PDE4D: variants seen among roughly 807,000 people sequenced by gnomAD.
PDE4D encodes 3',5'-cyclic-AMP phosphodiesterase 4D.
Under a neutral mutation model 87.4 loss-of-function variants are expected in PDE4D, and 24 were observed. The ratio of observed to expected loss-of-function variants is 0.27; its 90% confidence interval spans 0.20 to 0.39. The LOEUF (loss-of-function observed/expected upper bound fraction) is 0.39. Among genes scored for constraint, PDE4D ranks in the 10% least tolerant of loss-of-function variants. The probability of loss-of-function intolerance (pLI) is 1.00; values close to 1 mark genes in which losing one functional copy is unlikely to be tolerated. For synonymous variants in PDE4D, 384 were observed against 383.2 expected, an observed-to-expected ratio of 1.00 and a Z score of -0.02; for missense variants, 714 against 1,041.0, an observed-to-expected ratio of 0.69 and a Z score of 4.32.
At chr5:60,344,561 C>T (rs1410354877) in intron 1 of PDE4D, among the ~76,000 whole-genome samples, 1 of 152,166 alleles carries the variant, frequency 6.6e-6, no homozygotes, top group African/African-American at 2.4e-5. Context: ...CAAAACATTT[C>T]TCTTGCATTT....
chr5:59,420,908 A>G (rs1383930418), intron 1 of PDE4D, among the ~76,000 whole-genome samples: 1 of 152,084 alleles, frequency 6.6e-6, no homozygotes, highest in Non-Finnish European at 1.5e-5. Flanking sequence ...CAGGAGGGCG[A>G]TTTAGGAAAA....
intron 2 of PDE4D, among the ~76,000 whole-genome samples, chr5:59,998,177 T>C (rs138662734): frequency 6.6e-6 from 1 of 152,194 alleles, no homozygotes; most frequent in Non-Finnish European, 1.5e-5. Flanking sequence ...TCAATGTTCA[T>C]AGTTTTAGCC....
At chr5:59,518,946 G>T (rs570214510) in intron 1 of PDE4D, among the ~76,000 whole-genome samples, 1 of 152,150 alleles carries the variant, frequency 6.6e-6, no homozygotes, top group Admixed American at 6.5e-5. Context: ...TGTTGCCTTC[G>T]AAAGGCACTA....
At chr5:59,325,105 A>G (rs975439075) in intron 1 of PDE4D, among the ~76,000 whole-genome samples, 1 of 152,126 alleles carries the variant, frequency 6.6e-6, no homozygotes, top group Non-Finnish European at 1.5e-5. Flanking sequence ...GATCACAGAA[A>G]TCCTACTGTA....
Position 59,956,693 on chromosome 5 carries a change from T to C in PDE4D, c.272+31795A>G, listed in dbSNP as rs577091916. 1.4e-3 allele frequency among the ~76,000 whole-genome samples: 218 copies of C among 152,346 alleles called. 2 individuals are homozygous for C. The highest frequency in any genetic ancestry group is 5.1e-3 in the African/African-American group (213 of 41,580). On this transcript the variant is annotated intron_variant, in intron 3 of 16. Coordinates refer to the PDE4D transcript ENST00000502484. ...TTTATAAAGCTTGTGATAAAAATGC[T>C]TCATTTTATATGCTTATTCAGAGTC...
chr5:60,134,312 C>A (rs538723482), intron 2 of PDE4D, among the ~76,000 whole-genome samples: 1 of 152,190 alleles, frequency 6.6e-6, no homozygotes, highest in Non-Finnish European at 1.5e-5. Context: ...ACCTAAGTGA[C>A]ATCTCTTTTG....
intron 2 of PDE4D, among the ~76,000 whole-genome samples, chr5:60,038,756 C>T (rs1768108954): frequency 1.3e-5 from 2 of 151,622 alleles, no homozygotes; most frequent in African/African-American, 4.8e-5. Context: ...AACAAACAAC[C>T]CCATCAAAAA....
At chr5:59,730,949 C>T (rs1012958887) in intron 1 of PDE4D, among the ~76,000 whole-genome samples, 1 of 152,060 alleles carries the variant, frequency 6.6e-6, no homozygotes. Flanking sequence ...TGTTATATTG[C>T]TTTTTATATC....
chr5:59,562,604 T>C (rs528085503), intron 1 of PDE4D, among the ~76,000 whole-genome samples: 2 of 152,322 alleles, frequency 1.3e-5, no homozygotes, highest in Non-Finnish European at 2.9e-5. Context: ...AAAATCTATG[T>C]TTTTCCGTCT....
chr5:60,345,069 G>A (rs367606273), intron 1 of PDE4D, among the ~76,000 whole-genome samples: 32 of 151,540 alleles, frequency 2.1e-4, no homozygotes, highest in East Asian at 1.7e-3. Flanking sequence ...TTACATACAC[G>A]TATATATAGT....
chr5:59,843,056 T>TA (rs993087203), intron 1 of PDE4D, among the ~76,000 whole-genome samples: 1 of 151,928 alleles, frequency 6.6e-6, no homozygotes, highest in African/African-American at 2.4e-5. Flanking sequence ...ACTAATTGTA[T>TA]AAAAAATATA....
intron 1 of PDE4D, among the ~76,000 whole-genome samples, chr5:59,736,174 T>C (rs1196606310): frequency 2.0e-5 from 3 of 151,332 alleles, no homozygotes; most frequent in Non-Finnish European, 2.9e-5. Context: ...CAGATAAACA[T>C]TGATTCATCA....
At chr5:59,473,444 G>A (rs1802791648) in intron 1 of PDE4D, among the ~76,000 whole-genome samples, 2 of 152,012 alleles carry the variant, frequency 1.3e-5, no homozygotes, top group African/African-American at 4.8e-5. Context: ...TTAGAAGACT[G>A]TAGACAACAC....
intron 3 of PDE4D, among the ~76,000 whole-genome samples, chr5:59,949,134 G>GT (rs1404320630): frequency 3.9e-5 from 6 of 152,186 alleles, no homozygotes; most frequent in African/African-American, 1.4e-4. Context: ...GAGAGAGAAT[G>GT]TAAGAATATA....
At chr5:59,409,291 T>G (rs1289242823) in intron 1 of PDE4D, among the ~76,000 whole-genome samples, 1 of 152,150 alleles carries the variant, frequency 6.6e-6, no homozygotes, top group East Asian at 1.9e-4. Context: ...TATTTGGACT[T>G]GGGACTTTTG....
rs35050580 is a variant in PDE4D, at chr5:59,081,518, T to TAAAAAAAAAAA, written c.809-42558_809-42548dup. 2.7e-3 allele frequency among the ~76,000 whole-genome samples: 372 copies of TAAAAAAAAAAA among 135,362 alleles called. 7 individuals carry two copies. Among genetic ancestry groups the TAAAAAAAAAAA allele is most frequent in the African/African-American group, 9.3e-3 (332 of 35,816 alleles). The allele number at this position is 135,362 out of a possible 152,430, so 88.8% of individuals were successfully genotyped here. A position where few individuals can be genotyped will look rare whatever the true frequency, so the allele number is the denominator to read the frequency against. ...ACCTCATGACCAGGAAGTAATCAGG[T>TAAAAAAAAAAA]AAAAAAAAAAAAGAAAAAAAGTGGG... On this transcript the variant is annotated intron_variant, in intron 5 of 14. Coordinates refer to ENST00000340635, the MANE Select transcript of PDE4D (RefSeq NM_001104631.2).
intron 1 of PDE4D, among the ~76,000 whole-genome samples, chr5:59,750,799 G>C (rs1760328620): frequency 6.6e-6 from 1 of 151,934 alleles, no homozygotes; most frequent in African/African-American, 2.4e-5. Context: ...ATCTAGGCCT[G>C]GTAGCATGTG....
intron 1 of PDE4D, among the ~76,000 whole-genome samples, chr5:59,452,171 A>G (rs184361823): frequency 0.02 from 3,066 of 152,228 alleles, 118 homozygotes; most frequent in African/African-American, 0.069. Context: ...GACACTTCTG[A>G]TCTAGAATAT....
At position 59,256,788 on chromosome 5, in the gene PDE4D, A is replaced by G. The variant is rs140531226; in HGVS notation, c.456-40820T>C. On this transcript the variant is annotated intron_variant, in intron 1 of 14. Transcript: ENST00000340635. ...CTGTGCAGAGAAAACCCTGTTATTC[A>G]TTATGGTCAAAGAATGGTAGATATT... 2.6e-3 allele frequency among the ~76,000 whole-genome samples: 400 copies of G among 152,220 alleles called. 3 individuals are homozygous for G. The highest frequency in any genetic ancestry group is 8.8e-3 in the African/African-American group (367 of 41,562).
Sources: gnomAD v4.1 joint callset for allele counts (sites outside exome capture counted in the v4.1 genomes callset) on GRCh38, gnomAD v4.1.1 for gene constraint, MANE v1.5 for transcripts, NCBI Gene and HGNC (gene_info 2026-07-23, HGNC 2026-07-21) for gene names.